The following PTK2 variants were observed in gnomAD, a reference collection of about 807,000 sequenced individuals.
PTK2 encodes the protein protein tyrosine kinase 2.
PTK2 carries 45 observed loss-of-function variants against 150.1 expected under a neutral mutation model. That is an observed-to-expected ratio of 0.30 (90% CI 0.24 to 0.38). The LOEUF (loss-of-function observed/expected upper bound fraction) is 0.38. PTK2 is among the 10% of genes least tolerant of loss of function. The pLI is 1.00. For missense variants in PTK2, 919 were observed against 1,307.3 expected, an observed-to-expected ratio of 0.70 and a Z score of 4.58; for synonymous variants, 432 against 449.2, an observed-to-expected ratio of 0.96 and a Z score of 0.48.
chr8:140,855,034 G>T (rs886962723), intron 5 of PTK2, among the ~76,000 whole-genome samples: 14 of 152,072 alleles, frequency 9.2e-5, no homozygotes, highest in Admixed American at 3.9e-4. Context: ...TGTCACCCAG[G>T]CTGGAGTACA....
chr8:140,673,686 T>C (rs56916892), intron 29 of PTK2, among the ~76,000 whole-genome samples: 5,877 of 152,028 alleles, frequency 0.039, 311 homozygotes, highest in African/African-American at 0.12. Flanking sequence ...TGAGGGCTGG[T>C]GGGGACCCAG....
exon 4 of PTK2, chr8:140,879,622 T>C (rs778633667): frequency 6.4e-7 from 1 of 1,557,452 alleles, no homozygotes; most frequent in South Asian, 1.1e-5. Context: ...CTGTCCACTA[T>C]CTTCTGAATG....
chr8:140,779,195 G>C (rs1388564391), intron 14 of PTK2, among the ~76,000 whole-genome samples: 2 of 149,890 alleles, frequency 1.3e-5, no homozygotes, highest in Non-Finnish European at 3.0e-5. Flanking sequence ...CTGGGAGGCA[G>C]AGGTTGCAGT....
intron 8 of PTK2, among the ~76,000 whole-genome samples, chr8:140,825,094 A>G (rs902986066): frequency 6.6e-6 from 1 of 152,230 alleles, no homozygotes; most frequent in Non-Finnish European, 1.5e-5. Context: ...AAAATCTGCA[A>G]TAAGAGAGTT....
chr8:140,852,322 T>A (rs1037449715), intron 5 of PTK2, among the ~76,000 whole-genome samples: 22 of 152,336 alleles, frequency 1.4e-4, no homozygotes, highest in African/African-American at 4.1e-4. Context: ...TGGGACAGCA[T>A]GTGACTAATA....
chr8:140,889,352 C>G (rs535458246), intron 3 of PTK2, among the ~76,000 whole-genome samples: 26 of 152,248 alleles, frequency 1.7e-4, no homozygotes, highest in African/African-American at 5.3e-4. Context: ...GTCTCAGCCT[C>G]CTGAGTAGCT....
chr8:140,689,578 CAGCTATGGTTATTTA>C (rs1207428710), intron 26 of PTK2, among the ~76,000 whole-genome samples: 4 of 152,292 alleles, frequency 2.6e-5, no homozygotes, highest in South Asian at 4.1e-4. Context: ...TTGGTTAACT[CAGCTATGGTTATTTA>C]AGAGAACATC....
At position 140,864,433 on chromosome 8, in the gene PTK2, ATCAG is replaced by A. The variant is rs762264728; in HGVS notation, c.363-38_363-35del. ...AATTCACAAAACAGAACAATTAGAAATCAGTCATTTTCTCAATTTACAGTCTACA... is the reference window on the plus strand; with the variant it reads ...AATTCACAAAACAGAACAATTAGAAATCATTTTCTCAATTTACAGTCTACA... On this transcript the variant is annotated intron_variant, in intron 4 of 31. Coordinates refer to ENST00000522684, the Ensembl canonical transcript of PTK2. 4 of 1,305,290 alleles carry A rather than the reference ATCAG, an allele frequency of 3.1e-6. No homozygotes were observed. The South Asian group carries it at 3.9e-5, about 13-fold the overall frequency. 80.9% of individuals were successfully genotyped at this position (1,305,290 alleles called of 1,614,324 possible).
At chr8:140,682,179 T>TGA (rs1564272918) in intron 27 of PTK2, among the ~76,000 whole-genome samples, 1 of 152,238 alleles carries the variant, frequency 6.6e-6, no homozygotes, top group East Asian at 1.9e-4. Flanking sequence ...GTCAGGAGTT[T>TGA]GAGACCAGCC....
chr8:140,671,684 C>T lies in PTK2; in HGVS notation c.2709+2614G>A, dbSNP rs1055570682. On this transcript the variant is annotated intron_variant, in intron 29 of 31. Transcript: ENST00000522684. Reference sequence around the variant, plus strand: ...ATCCCAGCACTTTGGGAGGCCGAGGCGGGCGGATCACAAGGTCAGGAGATC... The same window carrying T: ...ATCCCAGCACTTTGGGAGGCCGAGGTGGGCGGATCACAAGGTCAGGAGATC... 5.5e-5 allele frequency among the ~76,000 whole-genome samples: 8 copies of T among 146,116 alleles called. No individual in the cohort carries two copies. The East Asian group carries it at 8.4e-4, about 15-fold the overall frequency.
intron 22 of PTK2, among the ~76,000 whole-genome samples, chr8:140,721,483 T>C (rs888445640): frequency 1.3e-5 from 2 of 152,160 alleles, no homozygotes; most frequent in Non-Finnish European, 2.9e-5. Context: ...TGGGAAGGTA[T>C]ATCTTAACTT....
In PTK2 at chr8:140,916,068, T is replaced by A. The variant is rs2100165153; in HGVS notation, c.-33+9593A>T. Reference sequence around the variant, plus strand: ...GAGAAAAAGTTTAATACCCACTGCCTTATGTTTGTGGATGAGTTGATGTTA... The same window carrying A: ...GAGAAAAAGTTTAATACCCACTGCCATATGTTTGTGGATGAGTTGATGTTA... On this transcript the variant is annotated intron_variant, in intron 2 of 31. Coordinates refer to ENST00000522684, the Ensembl canonical transcript of PTK2. Among the ~76,000 whole-genome samples the A allele has an allele frequency of 2.0e-5, 3 of 152,202 alleles. 1 individual carries two copies. In the South Asian group the frequency reaches 6.2e-4, roughly 31 times the overall value.
chr8:140,802,153 G>C (rs2100095453), intron 11 of PTK2, among the ~76,000 whole-genome samples: 1 of 151,912 alleles, frequency 6.6e-6, no homozygotes, highest in South Asian at 2.1e-4. Flanking sequence ...AAGTGGCACT[G>C]TTCTCATAGG....
At chr8:140,885,539 G>C (rs555804106) in intron 3 of PTK2, among the ~76,000 whole-genome samples, 1 of 152,286 alleles carries the variant, frequency 6.6e-6, no homozygotes, top group South Asian at 2.1e-4. Flanking sequence ...ATAAAATAGT[G>C]ACAGAAAAAC....
At chr8:140,747,526 G>A (rs1165632278) in intron 17 of PTK2, among the ~76,000 whole-genome samples, 1 of 18,440 alleles carries the variant, frequency 5.4e-5, no homozygotes, top group Non-Finnish European at 1.2e-4. Context: ...GGAAGAGGAG[G>A]GGGACGAGGA....
chr8:140,683,958 G>A (rs2100018405), intron 27 of PTK2, among the ~76,000 whole-genome samples: 1 of 152,150 alleles, frequency 6.6e-6, no homozygotes, highest in South Asian at 2.1e-4. Flanking sequence ...ACAAGACCAG[G>A]ATGCCCACTC....
At chr8:140,825,889 A>G (rs2100111478) in intron 8 of PTK2, among the ~76,000 whole-genome samples, 1 of 152,244 alleles carries the variant, frequency 6.6e-6, no homozygotes, top group African/African-American at 2.4e-5. Context: ...GAATTTTTAA[A>G]TGTGTCTTTA....
At chr8:140,691,333 A>T (rs1166814360) in intron 26 of PTK2, among the ~76,000 whole-genome samples, 3 of 152,200 alleles carry the variant, frequency 2.0e-5, no homozygotes, top group Non-Finnish European at 4.4e-5. Context: ...TCTTGGTATA[A>T]GTTTCCAAAC....
At chr8:140,896,180 T>C (rs528677024) in intron 2 of PTK2, among the ~76,000 whole-genome samples, 10 of 152,330 alleles carry the variant, frequency 6.6e-5, no homozygotes, top group Admixed American at 5.2e-4. Context: ...CTATTTAAAA[T>C]AGTCCATCTA....
Sources: allele counts gnomAD v4.1 joint callset (sites outside exome capture counted in the v4.1 genomes callset), GRCh38; gene constraint gnomAD v4.1.1; transcripts MANE v1.5; gene names NCBI Gene and HGNC (gene_info 2026-07-23, HGNC 2026-07-21).